PTPRZ1: variants seen among roughly 807,000 people sequenced by gnomAD.
PTPRZ1 encodes receptor-type tyrosine-protein phosphatase zeta.
Under a neutral mutation model 214.1 loss-of-function variants are expected in PTPRZ1, and 82 were observed. That is an observed-to-expected ratio of 0.38 (90% CI 0.32 to 0.46). The LOEUF (loss-of-function observed/expected upper bound fraction) is 0.46, where lower values mean the gene tolerates loss of function less well. Among genes scored for constraint, PTPRZ1 ranks in the 20% least tolerant of loss-of-function variants. PTPRZ1 has a pLI of 1.00. For synonymous variants in PTPRZ1, 945 were observed against 987.9 expected (o/e 0.96, Z 0.81); for missense variants, 2,603 against 2,748.7 (o/e 0.95, Z 1.19).
chr7:121,976,003 A>G (rs1159052472), intron 4 of PTPRZ1, among the ~76,000 whole-genome samples, 170 bp from the exon 5 acceptor site: 2 of 152,190 alleles, frequency 1.3e-5, no homozygotes, highest in African/African-American at 4.8e-5. Flanking sequence ...GGTTTTAGAT[A>G]TGTCTAACTT....
rs1057112363 is a variant in PTPRZ1 at position 122,057,905 on chromosome 7, C to T, written c.6529-895C>T. Among the ~76,000 whole-genome samples, 4 of 150,898 alleles carry T rather than the reference C, an allele frequency of 2.7e-5. No homozygotes were observed. The South Asian group carries it at 6.3e-4, about 24-fold the overall frequency. ...TTTCCATGTGATACCCATTGTCCCA[C>T]CATTATTTATGAATTAGCAATATCA... is the stretch of plus-strand genomic sequence containing the variant. On this transcript the variant is annotated intron_variant, in intron 27 of 29. Coordinates refer to ENST00000393386, the MANE Select transcript of PTPRZ1 (RefSeq NM_002851.3).
At chr7:122,048,105 G>T (rs949352605) in intron 23 of PTPRZ1, among the ~76,000 whole-genome samples, 1 of 152,054 alleles carries the variant, frequency 6.6e-6, no homozygotes, top group Non-Finnish European at 1.5e-5. Context: ...TAAAAATTTT[G>T]ATATTTGGGC....
intron 17 of PTPRZ1, among the ~76,000 whole-genome samples, chr7:122,036,333 C>T (rs771432290): frequency 6.6e-6 from 1 of 152,140 alleles, no homozygotes; most frequent in Non-Finnish European, 1.5e-5. Flanking sequence ...TTTTCATATC[C>T]CTCCACTACA....
chr7:121,986,379 A>G (rs190211194), intron 8 of PTPRZ1, among the ~76,000 whole-genome samples: 3 of 152,344 alleles, frequency 2.0e-5, no homozygotes, highest in African/African-American at 7.2e-5. Context: ...CTTGACATTT[A>G]TACAGGAACA....
chr7:122,044,754 T>C (rs1355932544), intron 23 of PTPRZ1, among the ~76,000 whole-genome samples, 186 bp downstream of exon 23: 1 of 152,186 alleles, frequency 6.6e-6, no homozygotes, highest in Non-Finnish European at 1.5e-5. Context: ...AACATAATTC[T>C]GAGCAGCAAG....
intron 1 of PTPRZ1, among the ~76,000 whole-genome samples, chr7:121,905,347 G>A (rs1795084282): frequency 6.6e-6 from 1 of 151,972 alleles, no homozygotes; most frequent in South Asian, 2.1e-4. Flanking sequence ...CTCTCCCTAG[G>A]CCTTATGAGA....
chr7:121,895,780 G>A (rs1259457592), intron 1 of PTPRZ1, among the ~76,000 whole-genome samples: 2 of 152,178 alleles, frequency 1.3e-5, no homozygotes, highest in African/African-American at 4.8e-5. Context: ...TCAGTGAAAT[G>A]CAAAAGACCA....
At chr7:122,014,329 G>A (rs1005843440) in intron 12 of PTPRZ1, among the ~76,000 whole-genome samples, 3 of 152,018 alleles carry the variant, frequency 2.0e-5, no homozygotes, top group Non-Finnish European at 4.4e-5. Flanking sequence ...TTAAATCTGA[G>A]AGTAATGTGA....
In PTPRZ1 at chr7:121,893,385, A is replaced by G. The variant is rs78474705; in HGVS notation, c.58+19828A>G. Among the ~76,000 whole-genome samples the G allele has an allele frequency of 7.8e-3, 1,189 of 152,350 alleles. 11 individuals are homozygous for G. Among genetic ancestry groups the G allele is most frequent in the South Asian group, 0.032 (154 of 4,832 alleles). ...GTTTGCACCGTGGTGTCGACATCCA[A>G]TGTTCTTTTATCTTGCTCCACTGTC... On this transcript the variant is annotated intron_variant, in intron 1 of 29. Transcript: ENST00000393386.
intron 13 of PTPRZ1, among the ~76,000 whole-genome samples, chr7:122,021,267 G>A (rs996234130): frequency 6.6e-6 from 1 of 152,082 alleles, no homozygotes; most frequent in African/African-American, 2.4e-5. Flanking sequence ...TTAAAATTTA[G>A]AGAGGTTTCT....
At chr7:122,060,654 T>C (rs1792542072) in intron 29 of PTPRZ1, among the ~76,000 whole-genome samples, 1 of 152,220 alleles carries the variant, frequency 6.6e-6, no homozygotes, top group Non-Finnish European at 1.5e-5. Flanking sequence ...GTTCCTGGGC[T>C]AACAGTACAG....
At chr7:121,952,066 C>G (rs1000281513) in intron 2 of PTPRZ1, among the ~76,000 whole-genome samples, 1 of 151,724 alleles carries the variant, frequency 6.6e-6, no homozygotes, top group Non-Finnish European at 1.5e-5. Context: ...TCACGCCATT[C>G]TCCTGCCTCA....
At chr7:121,882,289 G>A (rs1463241215) in intron 1 of PTPRZ1, among the ~76,000 whole-genome samples, 1 of 152,150 alleles carries the variant, frequency 6.6e-6, no homozygotes, top group Admixed American at 6.5e-5. Flanking sequence ...TCTCATACAT[G>A]ATGGAGTTTC....
intron 1 of PTPRZ1, among the ~76,000 whole-genome samples, chr7:121,879,142 C>T (rs2116151123): frequency 6.6e-6 from 1 of 152,328 alleles, no homozygotes; most frequent in African/African-American, 2.4e-5. Context: ...TAGATCCAGA[C>T]ACTATCTGTG....
rs143437947 is a variant in PTPRZ1, at chr7:122,025,795, C to T, written c.4989-2757C>T. The stretch of plus-strand genomic sequence containing the variant: ...AGGCAGTGTTTGTCTGGCATATTGG[C>T]CAGTGAGATATTTTGGTTAGAAGTA... On this transcript the variant is annotated intron_variant, in intron 13 of 29. Coordinates refer to ENST00000393386, the MANE Select transcript of PTPRZ1 (RefSeq NM_002851.3). 7.2e-3 allele frequency among the ~76,000 whole-genome samples: 1,089 copies of T among 152,128 alleles called. 10 individuals carry two copies. Among genetic ancestry groups the T allele is most frequent in the African/African-American group, 0.025 (1,037 of 41,498 alleles).
At chr7:121,875,181 C>T (rs1017489277) in intron 1 of PTPRZ1, among the ~76,000 whole-genome samples, 4 of 152,254 alleles carry the variant, frequency 2.6e-5, no homozygotes, top group Middle Eastern at 6.8e-3. Context: ...AAAAGAAACC[C>T]CATGTTCCTT....
chr7:122,044,877 A>G (rs1212889283), intron 23 of PTPRZ1, among the ~76,000 whole-genome samples: 4 of 151,916 alleles, frequency 2.6e-5, no homozygotes, highest in African/African-American at 7.3e-5. Flanking sequence ...AACATACTAT[A>G]TAAGTGCTCT....
Position 122,012,780 on chromosome 7 carries a change from A to T in PTPRZ1, c.3734A>T (p.Asp1245Val). The T allele has an allele frequency of 6.2e-7, 1 of 1,611,698 alleles. No homozygotes were observed. The highest frequency in any genetic ancestry group is 1.1e-5 in the South Asian group (1 of 91,038). Residue 1245 changes from aspartate to valine, a missense_variant, in exon 12 of 30, where the codon GAT becomes GTT. By Grantham distance (152) the Asp-to-Val change is radical (BLOSUM62 -3). Around this residue, in one of 6 missense-constraint regions of PTPRZ1, gnomAD observed 1,913 missense variants for 1,914.3 expected, o/e 1.00. Coordinates refer to ENST00000393386, the MANE Select transcript of PTPRZ1 (RefSeq NM_002851.3). ...CACTCTACATCTGTACCAGTTTTTG[A>T]TGTGTCGCCTACTTCTCATATGCAC... ...MLHSTSVPVF[D>V]VSPTSHMHSA...
At chr7:121,982,914 A>G (rs1051987458) in intron 6 of PTPRZ1, among the ~76,000 whole-genome samples, 6 of 152,144 alleles carry the variant, frequency 3.9e-5, no homozygotes, top group African/African-American at 1.4e-4. Flanking sequence ...AGTAGCTGGA[A>G]CTACAGACAC....
Sources: gnomAD v4.1 joint callset for allele counts (sites outside exome capture counted in the v4.1 genomes callset) on GRCh38, gnomAD v4.1.1 for gene constraint, gnomAD v4.1.1 regional missense constraint, MANE v1.5 for transcripts, NCBI Gene and HGNC (gene_info 2026-07-23, HGNC 2026-07-21) for gene names.